KIF6: variants seen among roughly 807,000 people sequenced by gnomAD.
The protein encoded by KIF6 is kinesin-like protein KIF6.
In KIF6, 106 loss-of-function variants were observed where a neutral mutation model predicts 112.7. The ratio of observed to expected loss-of-function variants is 0.94; its 90% CI spans 0.80 to 1.11. The LOEUF (loss-of-function observed/expected upper bound fraction) is 1.11, where lower values mean the gene tolerates loss of function less well. Ranked by LOEUF, KIF6 falls within the 50% of genes least tolerant of loss-of-function variation. The pLI is 0.00. For missense variants in KIF6, 929 were observed against 964.0 expected, an observed-to-expected ratio of 0.96 and a Z score of 0.48; for synonymous variants, 339 against 339.9, an observed-to-expected ratio of 1.00 and a Z score of 0.03.
At chr6:39,613,377 C>T (rs369496254) in intron 5 of KIF6, 59 bp from the exon 6 acceptor site, 3 of 1,417,418 alleles carry the variant, frequency 2.1e-6, no homozygotes, top group Non-Finnish European at 2.8e-6. Context: ...AACTTGAAGT[C>T]TTCCCTACAG....
chr6:39,556,318 A>G (rs1363939651), intron 10 of KIF6, among the ~76,000 whole-genome samples: 1 of 152,216 alleles, frequency 6.6e-6, no homozygotes, highest in East Asian at 1.9e-4. Flanking sequence ...GAAGGGAGTC[A>G]GTGAGCAGGA....
chr6:39,340,570 A>T (rs575326781), intron 22 of KIF6, among the ~76,000 whole-genome samples: 15 of 152,142 alleles, frequency 9.9e-5, no homozygotes, highest in Non-Finnish European at 2.9e-5. Flanking sequence ...TCCACAGGGG[A>T]TCATAATCTT....
intron 13 of KIF6, among the ~76,000 whole-genome samples, chr6:39,522,639 G>T (rs1402790333): frequency 6.6e-6 from 1 of 152,304 alleles, no homozygotes; most frequent in African/African-American, 2.4e-5. Context: ...AGATCCAACA[G>T]ATTCCTTGAA....
Position 39,540,021 on chromosome 6 carries a change from A to T in KIF6, c.1627T>A (p.Leu543Met). 6.2e-7 allele frequency: 1 copy of T among 1,606,466 alleles called. No homozygotes were observed. Among genetic ancestry groups the T allele is most frequent in the Non-Finnish European group, 8.5e-7 (1 of 1,177,448 alleles). Residue 543 changes from leucine (L) to methionine (M), a missense_variant, in exon 13 of 23, where the codon TTG becomes ATG. Physicochemically the swap from Leu to Met is conservative, Grantham distance 15. Around this residue, in one of 2 missense-constraint regions of KIF6, gnomAD observed 688 missense variants for 662.7 expected, o/e 1.04. Coordinates refer to ENST00000287152, the MANE Select transcript of KIF6 (RefSeq NM_145027.6). Reference sequence around the variant, plus strand: ...AACTGACCTATTTTCTTGTGGAGCAAACTGGATCTTTTCCCCAAAATGCTG... The same window carrying T: ...AACTGACCTATTTTCTTGTGGAGCATACTGGATCTTTTCCCCAAAATGCTG... Reference protein sequence around the residue: ...DFSILGKRSSLLHKKIGMREE... With the variant: ...DFSILGKRSSMLHKKIGMREE...
chr6:39,422,827 A>AG (rs1038393081), intron 14 of KIF6, among the ~76,000 whole-genome samples: 5 of 152,102 alleles, frequency 3.3e-5, no homozygotes, highest in Non-Finnish European at 7.4e-5. Flanking sequence ...AAACTTCACC[A>AG]GGGGGAGTTT....
intron 10 of KIF6, among the ~76,000 whole-genome samples, chr6:39,577,595 A>C (rs1038234776): frequency 4.6e-5 from 7 of 152,146 alleles, no homozygotes; most frequent in African/African-American, 1.7e-4. Flanking sequence ...TCCCAGTTAG[A>C]GTGTTCGAGC....
Position 39,586,288 on chromosome 6 carries a change from T to C in KIF6, c.963A>G (p.Thr321=), listed in dbSNP as rs1582203296. ...CAAGATTCCTTTTCTCCAAGGAGAG[T>C]GTTGCAATCATAGTTGTCATGCAGT... ...GGNCMTTMIA[T]LSLEKRNLDE... is the part of the protein sequence containing the mutation. The change falls in exon 8 of 23, where the codon ACA becomes ACG. Residue 321 remains threonine (T), a synonymous_variant. Transcript: ENST00000287152. 6.2e-7 allele frequency: 1 copy of C among 1,614,024 alleles called. No homozygotes were observed.
At chr6:39,590,451 A>ATATT (rs1338373703) in intron 7 of KIF6, among the ~76,000 whole-genome samples, 3 of 84,776 alleles carry the variant, frequency 3.5e-5, no homozygotes, top group African/African-American at 1.0e-4. Flanking sequence ...ATATATATAT[A>ATATT]TTTTTTTTTT....
At chr6:39,365,247 C>A (rs117196232) in intron 16 of KIF6, among the ~76,000 whole-genome samples, 5,451 of 152,276 alleles carry the variant, frequency 0.036, 172 homozygotes, top group Non-Finnish European at 0.048. Flanking sequence ...AACTTTAAAT[C>A]GACAGGCAGA....
intron 7 of KIF6, among the ~76,000 whole-genome samples, chr6:39,587,963 C>T (rs535550530): frequency 2.0e-5 from 3 of 152,362 alleles, no homozygotes; most frequent in African/African-American, 7.2e-5. Context: ...GACTTCTGAG[C>T]TGAGTAAGCA....
intron 3 of KIF6, among the ~76,000 whole-genome samples, chr6:39,665,545 T>TA (rs934304047): frequency 6.6e-6 from 1 of 152,008 alleles, no homozygotes; most frequent in South Asian, 2.1e-4. Context: ...TTTAAATAGT[T>TA]AAAAAAACTA....
chr6:39,556,527 C>G (rs1347128323), intron 10 of KIF6, among the ~76,000 whole-genome samples: 1 of 152,126 alleles, frequency 6.6e-6, no homozygotes, highest in African/African-American at 2.4e-5. Flanking sequence ...AGGGAAAGGA[C>G]TGGGCAAAGA....
At chr6:39,387,846 G>A (rs1325728897) in intron 15 of KIF6, among the ~76,000 whole-genome samples, 1 of 152,178 alleles carries the variant, frequency 6.6e-6, no homozygotes, top group African/African-American at 2.4e-5. Flanking sequence ...AATAAAAGGA[G>A]ATATTGCTGT....
intron 2 of KIF6, chr6:39,714,975 A>G (rs1561954879): frequency 8.5e-6 from 4 of 469,444 alleles, no homozygotes; most frequent in South Asian, 6.0e-5. Context: ...TATTGCTTTG[A>G]CAAGATCTGC....
intron 10 of KIF6, among the ~76,000 whole-genome samples, chr6:39,568,017 C>T (rs1014898223): frequency 1.6e-4 from 24 of 152,100 alleles, no homozygotes; most frequent in African/African-American, 4.8e-4. Flanking sequence ...GGGGCCTGAG[C>T]GCCAGGCAGA....
At chr6:39,577,986 T>C (rs1781062378) in intron 10 of KIF6, 70 bp downstream of exon 10, 1 of 1,050,872 alleles carries the variant, frequency 9.5e-7, no homozygotes, top group African/African-American at 1.6e-5. Flanking sequence ...TTCATAACAT[T>C]AGGGCCAACA....
intron 3 of KIF6, among the ~76,000 whole-genome samples, chr6:39,671,486 T>C (rs1477506458): frequency 6.6e-6 from 1 of 152,200 alleles, no homozygotes; most frequent in Non-Finnish European, 1.5e-5. Flanking sequence ...CATTGGTGCC[T>C]GAAGCTGAGG....
intron 13 of KIF6, among the ~76,000 whole-genome samples, chr6:39,523,236 G>A (rs1777498580): frequency 6.6e-6 from 1 of 152,004 alleles, no homozygotes; most frequent in Non-Finnish European, 1.5e-5. Context: ...TACCGTGGCT[G>A]GCTTGGTCGA....
chr6:39,389,289 TC>T (rs1363754287), intron 15 of KIF6, among the ~76,000 whole-genome samples: 1 of 152,136 alleles, frequency 6.6e-6, no homozygotes, highest in Non-Finnish European at 1.5e-5. Context: ...TTGAGATTAT[TC>T]ACGTGAACGC....
Sources: allele counts gnomAD v4.1 joint callset (sites outside exome capture counted in the v4.1 genomes callset), GRCh38; gene constraint gnomAD v4.1.1; regional missense constraint gnomAD v4.1.1; transcripts MANE v1.5; gene names NCBI Gene and HGNC (gene_info 2026-07-23, HGNC 2026-07-21).